CADPS: variants seen among roughly 807,000 people sequenced by gnomAD.
CADPS encodes calcium dependent secretion activator.
Under a neutral mutation model 167.3 loss-of-function variants are expected in CADPS, and 57 were observed. The ratio of observed to expected loss-of-function variants is 0.34; its 90% CI spans 0.28 to 0.42. The LOEUF is 0.42. CADPS is among the 20% of genes least tolerant of loss of function. The pLI, the probability that CADPS is intolerant of heterozygous loss-of-function variation, is 1.00. For synonymous variants in CADPS, 676 were observed against 635.3 expected (o/e 1.06, Z -0.96); for missense variants, 1,414 against 1,738.1 (o/e 0.81, Z 3.32).
intron 5 of CADPS, among the ~76,000 whole-genome samples, chr3:62,650,022 A>C (rs1161829331): frequency 1.3e-5 from 2 of 152,164 alleles, no homozygotes; most frequent in Non-Finnish European, 2.9e-5. Context: ...GGCTATTATA[A>C]ATAATGCTGC....
chr3:62,840,359 C>T (rs2076469134), intron 1 of CADPS, among the ~76,000 whole-genome samples: 1 of 152,090 alleles, frequency 6.6e-6, no homozygotes, highest in Admixed American at 6.6e-5. Flanking sequence ...AGAGATGAGA[C>T]AGTTTACAAC....
chr3:62,700,595 A>C (rs184532947), intron 3 of CADPS, among the ~76,000 whole-genome samples: 1 of 152,044 alleles, frequency 6.6e-6, no homozygotes, highest in Admixed American at 6.6e-5. Context: ...GGTGACATTA[A>C]AGTGAGAACT....
At chr3:62,866,417 A>C (rs916928247) in intron 1 of CADPS, among the ~76,000 whole-genome samples, 2 of 152,050 alleles carry the variant, frequency 1.3e-5, no homozygotes, top group Non-Finnish European at 1.5e-5. Flanking sequence ...AACACCTACT[A>C]CATGTCAGGT....
At chr3:62,689,401 A>G (rs1050127147) in intron 3 of CADPS, among the ~76,000 whole-genome samples, 3 of 152,108 alleles carry the variant, frequency 2.0e-5, no homozygotes, top group African/African-American at 7.2e-5. Flanking sequence ...ATAGGATGCC[A>G]TCTTGAGGTT....
At chr3:62,817,639 T>A (rs1244384743) in intron 1 of CADPS, among the ~76,000 whole-genome samples, 2 of 152,198 alleles carry the variant, frequency 1.3e-5, no homozygotes, top group Admixed American at 6.5e-5. Flanking sequence ...ACTCAGTAAT[T>A]GGATAAAATT....
At position 62,570,048 on chromosome 3, in the gene CADPS, T is replaced by C. The variant is rs118118541; in HGVS notation, c.1644+824A>G. Among the ~76,000 whole-genome samples the C allele has an allele frequency of 3.9e-4, 60 of 152,280 alleles. No individual in the cohort carries two copies. The East Asian group carries it at 0.011, about 27-fold the overall frequency. The stretch of plus-strand genomic sequence containing the variant: ...ATATCCGCATCTACATTTGTATCCA[T>C]ATACACAGATATTCCCTGCAGCCTT... On this transcript the variant is annotated intron_variant, in intron 9 of 29. Coordinates refer to ENST00000383710, the MANE Select transcript of CADPS (RefSeq NM_003716.4).
At chr3:62,817,723 G>T (rs2094692587) in intron 1 of CADPS, among the ~76,000 whole-genome samples, 2 of 152,124 alleles carry the variant, frequency 1.3e-5, no homozygotes, top group African/African-American at 4.8e-5. Flanking sequence ...GAAAATTCAA[G>T]AAATTACCTA....
In CADPS at chr3:62,752,014, T is replaced by C. The variant is rs112662391; in HGVS notation, c.888+1427A>G. 3.4e-3 allele frequency among the ~76,000 whole-genome samples: 519 copies of C among 152,210 alleles called. 3 individuals are homozygous for C. Among genetic ancestry groups the C allele is most frequent in the African/African-American group, 0.012 (496 of 41,530 alleles). On this transcript the variant is annotated intron_variant, in intron 3 of 29. Transcript: ENST00000383710. ...TAAGCTGTTGCAATAAGAAGAAAAA[T>C]TAATCCCTAGAATAATTTTGTACCT...
Position 62,527,504 on chromosome 3 carries a change from A to G in CADPS, c.2291+5367T>C, listed in dbSNP as rs915388952. 2.6e-5 allele frequency among the ~76,000 whole-genome samples: 4 copies of G among 152,152 alleles called. No homozygotes were observed. The South Asian group carries it at 8.3e-4, about 31-fold the overall frequency. ...CCCCCAGTAATTCTAAAAATGCCAA[A>G]CATGTGGATGGTTCCATACATCCCA... On this transcript the variant is annotated intron_variant, in intron 13 of 29. Transcript: ENST00000383710.
intron 1 of CADPS, among the ~76,000 whole-genome samples, chr3:62,839,525 T>C (rs1019232121): frequency 6.6e-6 from 1 of 151,992 alleles, no homozygotes; most frequent in African/African-American, 2.4e-5. Flanking sequence ...GTTCAGAATA[T>C]GGGATCAGGA....
At chr3:62,459,666 C>G (rs1333455728) in intron 26 of CADPS, among the ~76,000 whole-genome samples, 2 of 152,240 alleles carry the variant, frequency 1.3e-5, no homozygotes, top group African/African-American at 4.8e-5. Flanking sequence ...TGGCTACTCT[C>G]TCTTTCTGAG....
At chr3:62,606,504 C>T (rs1286247335) in intron 6 of CADPS, among the ~76,000 whole-genome samples, 1 of 152,280 alleles carries the variant, frequency 6.6e-6, no homozygotes, top group East Asian at 1.9e-4. Context: ...CAGCAAAAGT[C>T]CCTCACCAGA....
chr3:62,837,089 A>C (rs910860262), intron 1 of CADPS, among the ~76,000 whole-genome samples: 1 of 152,200 alleles, frequency 6.6e-6, no homozygotes, highest in Non-Finnish European at 1.5e-5. Context: ...TAATAGTAAT[A>C]ATACGTTAAT....
At chr3:62,475,542 G>A (rs1367592890) in intron 23 of CADPS, among the ~76,000 whole-genome samples, 1 of 111,890 alleles carries the variant, frequency 8.9e-6, no homozygotes, top group Non-Finnish European at 1.7e-5. Context: ...TGCATGCAGA[G>A]AAGCCAAGTA....
intron 9 of CADPS, among the ~76,000 whole-genome samples, chr3:62,563,651 T>C (rs1311809523): frequency 6.6e-6 from 1 of 152,196 alleles, no homozygotes; most frequent in Non-Finnish European, 1.5e-5. Context: ...CCAATCAGTA[T>C]ACAATGAACC....
chr3:62,542,931 C>T (rs2075930155), intron 11 of CADPS, among the ~76,000 whole-genome samples: 1 of 152,124 alleles, frequency 6.6e-6, no homozygotes. Flanking sequence ...GATGTTTTTG[C>T]ACTCACTCCA....
intron 7 of CADPS, 138 bp downstream of exon 7, chr3:62,592,499 A>C: frequency 1.6e-6 from 1 of 640,932 alleles, no homozygotes; most frequent in East Asian, 2.6e-5. Context: ...CAGCCAATGT[A>C]GAGTGGAGTC....
intron 1 of CADPS, among the ~76,000 whole-genome samples, chr3:62,806,665 GAC>G (rs930124500): frequency 6.6e-6 from 1 of 152,138 alleles, no homozygotes; most frequent in Admixed American, 6.5e-5. Context: ...CGTATTTAAG[GAC>G]ATACAGCTAG....
chr3:62,706,723 T>A (rs1320237106), intron 3 of CADPS, among the ~76,000 whole-genome samples: 1 of 152,122 alleles, frequency 6.6e-6, no homozygotes, highest in Non-Finnish European at 1.5e-5. Flanking sequence ...TGTGTCTGTA[T>A]CCAGATTTCC....
Sources: allele counts gnomAD v4.1 joint callset (sites outside exome capture counted in the v4.1 genomes callset), GRCh38; gene constraint gnomAD v4.1.1; transcripts MANE v1.5; gene names NCBI Gene and HGNC (gene_info 2026-07-23, HGNC 2026-07-21).